The following GALNT13 variants were observed in gnomAD, a reference collection of about 807,000 sequenced individuals.
GALNT13 encodes polypeptide N-acetylgalactosaminyltransferase 13.
GALNT13 carries 28 observed loss-of-function variants against 64.2 expected under a neutral mutation model. The ratio of observed to expected loss-of-function variants is 0.44; its 90% CI spans 0.32 to 0.60. GALNT13 has a LOEUF of 0.60. GALNT13 is among the 20% of genes least tolerant of loss of function. GALNT13 has a pLI of 0.05. For synonymous variants in GALNT13, 214 were observed against 224.6 expected (o/e 0.95, Z 0.42); for missense variants, 577 against 669.8 (o/e 0.86, Z 1.53).
chr2:154,260,526 G>A (rs1186006081), intron 8 of GALNT13, among the ~76,000 whole-genome samples: 13 of 152,016 alleles, frequency 8.6e-5, no homozygotes, highest in Admixed American at 7.9e-4. Context: ...TTAGTTAATG[G>A]AATTTTATTA....
At chr2:153,917,000 T>C (rs754327433) in intron 2 of GALNT13, among the ~76,000 whole-genome samples, 6 of 152,210 alleles carry the variant, frequency 3.9e-5, no homozygotes, top group Non-Finnish European at 8.8e-5. Context: ...TTGCCATTGG[T>C]AAGTTATGAA....
chr2:153,672,102 G>A, the GALNT13 span, among the ~76,000 whole-genome samples: 1 of 152,190 alleles, frequency 6.6e-6, no homozygotes, highest in Middle Eastern at 3.4e-3. Context: ...CAATAATGAT[G>A]GGAGACTTTA....
At chr2:154,016,151 T>G (rs1307273687) in intron 3 of GALNT13, among the ~76,000 whole-genome samples, 1 of 152,212 alleles carries the variant, frequency 6.6e-6, no homozygotes, top group East Asian at 1.9e-4. Flanking sequence ...AGCGAAGCAT[T>G]TAATACCTTA....
chr2:154,053,015 T>C (rs1558932402), intron 3 of GALNT13, among the ~76,000 whole-genome samples: 1 of 152,058 alleles, frequency 6.6e-6, no homozygotes, highest in Non-Finnish European at 1.5e-5. Flanking sequence ...TGCTGGGATA[T>C]AGGCATGAGC....
chr2:154,397,156 C>A (rs971738050), intron 10 of GALNT13, among the ~76,000 whole-genome samples: 34 of 152,032 alleles, frequency 2.2e-4, no homozygotes, highest in Admixed American at 8.5e-4. Context: ...AATAAATAGG[C>A]CGGGAGCAGT....
At chr2:154,014,790 T>G (rs1345117253) in intron 3 of GALNT13, among the ~76,000 whole-genome samples, 66 of 151,156 alleles carry the variant, frequency 4.4e-4, no homozygotes, top group Admixed American at 2.6e-4. Flanking sequence ...CCACCACCAC[T>G]CCCAGCTAAT....
At chr2:153,982,053 C>G (rs1694502842) in intron 3 of GALNT13, among the ~76,000 whole-genome samples, 1 of 152,042 alleles carries the variant, frequency 6.6e-6, no homozygotes, top group South Asian at 2.1e-4. Context: ...AAGGTAATTT[C>G]AGCTTTCTGA....
chr2:153,968,525 T>C (rs1261978576), intron 3 of GALNT13, among the ~76,000 whole-genome samples: 1 of 152,220 alleles, frequency 6.6e-6, no homozygotes, highest in African/African-American at 2.4e-5. Flanking sequence ...GTTGCTATGT[T>C]GAACCTAGGT....
chr2:153,353,681 T>C, the GALNT13 span, among the ~76,000 whole-genome samples: 9 of 152,188 alleles, frequency 5.9e-5, no homozygotes, highest in Admixed American at 2.0e-4. Context: ...TTTCATCAAA[T>C]GTTTTTCTGC....
the GALNT13 span, among the ~76,000 whole-genome samples, chr2:153,252,246 T>G: frequency 0.8 from 95,165 of 118,964 alleles, 39,273 homozygotes; most frequent in African/African-American, 0.9. Flanking sequence ...TTTTCATGTG[T>G]TTTTTGGCTG....
At chr2:153,793,804 A>G in the GALNT13 span, among the ~76,000 whole-genome samples, 4 of 152,324 alleles carry the variant, frequency 2.6e-5, no homozygotes, top group East Asian at 7.7e-4. Context: ...TATTCACACA[A>G]TATTTCATTT....
At chr2:153,274,033 A>G in the GALNT13 span, among the ~76,000 whole-genome samples, 1 of 152,260 alleles carries the variant, frequency 6.6e-6, no homozygotes, top group East Asian at 1.9e-4. Context: ...AATGTTGTTC[A>G]AATAATTTAT....
At chr2:153,434,517 C>A in the GALNT13 span, among the ~76,000 whole-genome samples, 1 of 152,188 alleles carries the variant, frequency 6.6e-6, no homozygotes, top group Non-Finnish European at 1.5e-5. Flanking sequence ...TTAATGATCA[C>A]CATTCTAACT....
intron 9 of GALNT13, among the ~76,000 whole-genome samples, chr2:154,328,438 T>C (rs1694991462): frequency 6.6e-6 from 1 of 152,122 alleles, no homozygotes; most frequent in Non-Finnish European, 1.5e-5. Context: ...TGCTGCCAAT[T>C]ATGGATATTT....
the GALNT13 span, among the ~76,000 whole-genome samples, chr2:153,178,715 C>A: frequency 1.3e-5 from 2 of 149,042 alleles, no homozygotes; most frequent in Non-Finnish European, 3.0e-5. Context: ...TTGATGCAAT[C>A]CCATTTTTCT....
intron 12 of GALNT13, among the ~76,000 whole-genome samples, chr2:154,448,741 T>C (rs189175366): frequency 2.6e-5 from 4 of 152,176 alleles, no homozygotes; most frequent in Non-Finnish European, 5.9e-5. Flanking sequence ...TATTTTGAAC[T>C]AAGGTAACTG....
the GALNT13 span, among the ~76,000 whole-genome samples, chr2:153,391,890 G>T: frequency 1.3e-5 from 2 of 150,904 alleles, no homozygotes; most frequent in Admixed American, 6.6e-5. Context: ...GCCACATGCC[G>T]TCCAACTAAA....
At chr2:153,248,429 A>T in the GALNT13 span, among the ~76,000 whole-genome samples, 1 of 152,150 alleles carries the variant, frequency 6.6e-6, no homozygotes, top group African/African-American at 2.4e-5. Context: ...AATAAATATA[A>T]TTTATCATAT....
At chr2:154,268,270 G>C (rs932324201) in intron 8 of GALNT13, among the ~76,000 whole-genome samples, 1 of 152,110 alleles carries the variant, frequency 6.6e-6, no homozygotes, top group African/African-American at 2.4e-5. Context: ...CTACAACTTT[G>C]GTGAATTTTG....
Sources: gnomAD v4.1 joint callset for allele counts (sites outside exome capture counted in the v4.1 genomes callset) on GRCh38, gnomAD v4.1.1 for gene constraint, MANE v1.5 for transcripts, NCBI Gene and HGNC (gene_info 2026-07-23, HGNC 2026-07-21) for gene names.